Variants in PDE4D observed in about 807,000 individuals in gnomAD.
PDE4D encodes the protein phosphodiesterase 4D, also known as 3',5'-cyclic-AMP phosphodiesterase 4D.
Under a neutral mutation model 87.4 loss-of-function variants are expected in PDE4D, and 24 were observed. The observed-to-expected ratio is 0.27, with a 90% CI of 0.20 to 0.39. The LOEUF is 0.39. Ranked by LOEUF, PDE4D falls within the 10% of genes least tolerant of loss-of-function variation. PDE4D has a pLI of 1.00. For synonymous variants in PDE4D, 384 were observed against 383.2 expected (o/e 1.00, Z -0.02); for missense variants, 714 against 1,041.0 (o/e 0.69, Z 4.32).
At chr5:60,468,130 C>CTTTTATCT in intron 1 of PDE4D, among the ~76,000 whole-genome samples, 1 of 126,210 alleles carries the variant, frequency 7.9e-6, no homozygotes, top group East Asian at 2.8e-4. Context: ...AACTTTCTTT[C>CTTTTATCT]TTTTTTCTTT....
intron 6 of PDE4D, among the ~76,000 whole-genome samples, chr5:59,030,620 G>A (rs1757209371): frequency 6.6e-6 from 1 of 151,560 alleles, no homozygotes; most frequent in Non-Finnish European, 1.5e-5. Flanking sequence ...CTGTAGTCCT[G>A]GCTACTTGGG....
chr5:59,391,196 T>G (rs772644972), intron 1 of PDE4D, among the ~76,000 whole-genome samples: 1 of 152,134 alleles, frequency 6.6e-6, no homozygotes, highest in Non-Finnish European at 1.5e-5. Context: ...GAGCCCTCTC[T>G]TGTGGGAAAG....
intron 1 of PDE4D, among the ~76,000 whole-genome samples, chr5:60,193,587 G>C (rs1432486954): frequency 6.9e-6 from 1 of 144,312 alleles, no homozygotes; most frequent in Non-Finnish European, 1.5e-5. Context: ...GGAGAATGGC[G>C]TGAACCCCCA....
At chr5:59,338,043 A>G (rs901799647) in intron 1 of PDE4D, among the ~76,000 whole-genome samples, 1 of 152,210 alleles carries the variant, frequency 6.6e-6, no homozygotes, top group African/African-American at 2.4e-5. Context: ...CACAAGAACT[A>G]CTTGTTTCAT....
intron 1 of PDE4D, among the ~76,000 whole-genome samples, chr5:59,404,212 G>C (rs1351259079): frequency 6.6e-6 from 1 of 152,168 alleles, no homozygotes; most frequent in African/African-American, 2.4e-5. Context: ...TCCCTTGTCA[G>C]ATGGATAGTT....
intron 1 of PDE4D, among the ~76,000 whole-genome samples, chr5:59,648,761 C>G (rs1420636298): frequency 6.6e-6 from 1 of 151,356 alleles, no homozygotes; most frequent in Non-Finnish European, 1.5e-5. Context: ...GAAATTATTG[C>G]TGTATTCTCT....
At chr5:60,389,441 C>A (rs546337578) in intron 1 of PDE4D, among the ~76,000 whole-genome samples, 7 of 152,276 alleles carry the variant, frequency 4.6e-5, no homozygotes, top group Non-Finnish European at 1.0e-4. Context: ...CTCAATATTG[C>A]ATGAAACCTG....
chr5:59,718,393 C>T (rs548638321), intron 1 of PDE4D, among the ~76,000 whole-genome samples: 2 of 152,288 alleles, frequency 1.3e-5, no homozygotes, highest in African/African-American at 4.8e-5. Context: ...AGCTGGTGAA[C>T]ACCTTCCTTA....
intron 2 of PDE4D, among the ~76,000 whole-genome samples, chr5:59,215,260 TTGGTTTAA>T (rs60020781): frequency 0.24 from 35,933 of 151,932 alleles, 4,266 homozygotes; most frequent in South Asian, 0.3. Flanking sequence ...TCCTTAAAAG[TTGGTTTAA>T]TTTTGGCAAA....
chr5:60,386,916 G>A (rs1017459619), intron 1 of PDE4D, among the ~76,000 whole-genome samples: 1 of 152,120 alleles, frequency 6.6e-6, no homozygotes, highest in Non-Finnish European at 1.5e-5. Flanking sequence ...ATTGATCACT[G>A]TCACCATGTC....
chr5:60,453,669 T>TA (rs1039551376), intron 1 of PDE4D, among the ~76,000 whole-genome samples: 8 of 152,110 alleles, frequency 5.3e-5, no homozygotes, highest in African/African-American at 1.9e-4. Flanking sequence ...ATTTTTTTTT[T>TA]AATCACATTT....
At chr5:59,574,039 T>TA (rs1491352387) in intron 1 of PDE4D, among the ~76,000 whole-genome samples, 4 of 100,644 alleles carry the variant, frequency 4.0e-5, no homozygotes, top group Non-Finnish European at 7.4e-5. Flanking sequence ...AAAATATATA[T>TA]TTATATATAT....
intron 1 of PDE4D, among the ~76,000 whole-genome samples, chr5:60,407,561 C>A (rs181636380): frequency 3.6e-4 from 48 of 134,658 alleles, no homozygotes; most frequent in Admixed American, 2.0e-3. Context: ...TCAAGCGATT[C>A]TCCTGCCTCG....
intron 5 of PDE4D, among the ~76,000 whole-genome samples, chr5:59,169,959 T>C (rs1347101075): frequency 6.6e-6 from 1 of 152,166 alleles, no homozygotes; most frequent in Admixed American, 6.6e-5. Flanking sequence ...TTGCTCTTTT[T>C]AAACTCAGGG....
chr5:59,649,781 A>T (rs1204416841), intron 1 of PDE4D, among the ~76,000 whole-genome samples: 5 of 151,412 alleles, frequency 3.3e-5, no homozygotes, highest in Non-Finnish European at 5.9e-5. Flanking sequence ...CCATCAGGAA[A>T]TGTTTGTTGC....
intron 1 of PDE4D, chr5:60,372,565 G>A (rs1487939683): frequency 1.3e-5 from 2 of 152,200 alleles, no homozygotes; most frequent in Non-Finnish European, 2.9e-5. Context: ...ACAAGCTCCT[G>A]TAGTGTGAAA....
intron 1 of PDE4D, among the ~76,000 whole-genome samples, chr5:59,789,645 GAATGCATATA>G (rs1254789907): frequency 3.9e-5 from 6 of 152,166 alleles, no homozygotes; most frequent in Non-Finnish European, 8.8e-5. Flanking sequence ...ACTATGCCCT[GAATGCATATA>G]AATGGCATTT....
intron 1 of PDE4D, among the ~76,000 whole-genome samples, chr5:60,188,033 T>G (rs1252006025): frequency 6.6e-6 from 1 of 152,208 alleles, no homozygotes; most frequent in Non-Finnish European, 1.5e-5. Flanking sequence ...CCATCATCAC[T>G]ACCTTCTTTT....
intron 5 of PDE4D, among the ~76,000 whole-genome samples, chr5:59,115,342 A>T (rs748247713): frequency 1.3e-5 from 2 of 152,180 alleles, no homozygotes; most frequent in Admixed American, 6.5e-5. Context: ...AAAGGCCCCA[A>T]ATAGCTATGT....
Sources: allele counts gnomAD v4.1 joint callset (sites outside exome capture counted in the v4.1 genomes callset), GRCh38; gene constraint gnomAD v4.1.1; transcripts MANE v1.5; gene names NCBI Gene and HGNC (gene_info 2026-07-23, HGNC 2026-07-21).